FAAH2: variants seen among roughly 807,000 people sequenced by gnomAD.
FAAH2 encodes the protein fatty-acid amide hydrolase 2.
In FAAH2, 60 loss-of-function variants were observed where a neutral mutation model predicts 36.9. The observed-to-expected ratio is 1.63, with a 90% CI of 1.32 to 2.02. FAAH2 has a LOEUF of 2.02. FAAH2 is among the 30% of genes most tolerant of loss of function. The probability of loss-of-function intolerance (pLI) is 0.00; values close to 1 mark genes in which losing one functional copy is unlikely to be tolerated. For missense variants in FAAH2, 689 were observed against 397.5 expected, an observed-to-expected ratio of 1.73 and a Z score of -6.23; for synonymous variants, 214 against 143.8, an observed-to-expected ratio of 1.49 and a Z score of -3.49.
the FAAH2 span, among the ~76,000 whole-genome samples, chrX:57,226,493 T>C: frequency 8.9e-6 from 1 of 112,153 alleles, no homozygotes; most frequent in African/African-American, 3.2e-5. Context: ...CCCTTCTAGG[T>C]TGTAGGGTTT....
intron 4 of FAAH2, among the ~76,000 whole-genome samples, chrX:57,334,984 TC>T (rs1276482720): frequency 9.0e-6 from 1 of 111,473 alleles, no homozygotes; most frequent in Non-Finnish European, 1.9e-5. Context: ...TGAACTTAGC[TC>T]TGGATCAAGT....
At chrX:57,389,882 G>A (rs1194270976) in intron 7 of FAAH2, among the ~76,000 whole-genome samples, 1 of 109,947 alleles carries the variant, frequency 9.1e-6, no homozygotes, top group Non-Finnish European at 1.9e-5. Flanking sequence ...TAATAGCTAT[G>A]CTATTGGGTG....
At chrX:57,126,631 C>G in the FAAH2 span, among the ~76,000 whole-genome samples, 1 of 111,738 alleles carries the variant, frequency 8.9e-6, no homozygotes, top group Non-Finnish European at 1.9e-5. Flanking sequence ...GGAGACTGTC[C>G]TAGTGACACA....
intron 10 of FAAH2, among the ~76,000 whole-genome samples, chrX:57,471,274 G>C (rs990338846): frequency 1.8e-5 from 2 of 111,551 alleles, no homozygotes; most frequent in African/African-American, 6.5e-5. Flanking sequence ...AGGAATAAAG[G>C]GTATTCAATT....
At chrX:57,233,489 A>G in the FAAH2 span, among the ~76,000 whole-genome samples, 3 of 112,069 alleles carry the variant, frequency 2.7e-5, no homozygotes, top group African/African-American at 9.7e-5. Context: ...TAATAGAAAA[A>G]AAAAATAGTA....
intron 7 of FAAH2, among the ~76,000 whole-genome samples, chrX:57,397,644 G>C (rs1435427706): frequency 9.1e-6 from 1 of 110,255 alleles, no homozygotes; most frequent in Non-Finnish European, 1.9e-5. Flanking sequence ...TCCACTGTTT[G>C]ACTAGTGGGA....
At chrX:57,445,902 G>A (rs2056663994) in intron 8 of FAAH2, among the ~76,000 whole-genome samples, 1 of 112,225 alleles carries the variant, frequency 8.9e-6, no homozygotes, top group African/African-American at 3.2e-5. Context: ...TCCAAGGCCT[G>A]TAGTCCTTGA....
intron 10 of FAAH2, among the ~76,000 whole-genome samples, chrX:57,454,715 A>T (rs1043710181): frequency 4.5e-5 from 5 of 112,052 alleles, no homozygotes; most frequent in African/African-American, 1.6e-4. Flanking sequence ...CTGAGCTGGA[A>T]GACCAGCTTA....
chrX:57,274,091 C>T, the FAAH2 span, among the ~76,000 whole-genome samples: 1 of 111,567 alleles, frequency 9.0e-6, no homozygotes, highest in Non-Finnish European at 1.9e-5. Context: ...CACCACTGAT[C>T]CCACAGAAAT....
the FAAH2 span, among the ~76,000 whole-genome samples, chrX:57,222,169 ATC>A: frequency 9.0e-6 from 1 of 111,031 alleles, no homozygotes; most frequent in Non-Finnish European, 1.9e-5. Flanking sequence ...AAGCAAAAAA[ATC>A]TCTCTTTTCT....
chrX:57,295,534 G>A (rs906437016), intron 2 of FAAH2, among the ~76,000 whole-genome samples: 5 of 112,096 alleles, frequency 4.5e-5, no homozygotes, highest in East Asian at 2.8e-4. Context: ...CGTAAGCGAC[G>A]CAGAAGATGG....
chrX:57,295,473 G>C (rs752422295), intron 2 of FAAH2, among the ~76,000 whole-genome samples: 1 of 111,962 alleles, frequency 8.9e-6, no homozygotes, highest in Non-Finnish European at 1.9e-5. Flanking sequence ...CATATAGAGG[G>C]GGTGGAGCCA....
the FAAH2 span, among the ~76,000 whole-genome samples, chrX:57,177,700 G>A: frequency 9.8e-6 from 1 of 101,714 alleles, no homozygotes; most frequent in Non-Finnish European, 2.0e-5. Context: ...AACTCCTGTG[G>A]AGAAGCCCCA....
intron 10 of FAAH2, among the ~76,000 whole-genome samples, chrX:57,461,911 TAAAG>T (rs2056964434): frequency 9.1e-6 from 1 of 109,486 alleles, no homozygotes; most frequent in African/African-American, 3.3e-5. Flanking sequence ...GCCAGACTAA[TAAAG>T]AAGAAAAGAG....
chrX:57,464,419 A>T (rs1161657315), intron 10 of FAAH2, among the ~76,000 whole-genome samples: 3 of 110,315 alleles, frequency 2.7e-5, no homozygotes, highest in Non-Finnish European at 5.7e-5. Flanking sequence ...AACTTAAAGA[A>T]AAATAAAAAT....
intron 3 of FAAH2, among the ~76,000 whole-genome samples, chrX:57,318,949 G>T (rs2052929056): frequency 9.0e-6 from 1 of 111,424 alleles, no homozygotes; most frequent in African/African-American, 3.3e-5. Context: ...ATGCAGAAAA[G>T]GCCCTCCATA....
chrX:57,178,062 A>G, the FAAH2 span, among the ~76,000 whole-genome samples: 1 of 111,498 alleles, frequency 9.0e-6, no homozygotes, highest in Non-Finnish European at 1.9e-5. Context: ...GATGCCATAG[A>G]GTGTTTACAA....
chrX:57,281,004 G>C, the FAAH2 span, among the ~76,000 whole-genome samples: 1 of 112,110 alleles, frequency 8.9e-6, no homozygotes, highest in East Asian at 2.8e-4. Context: ...TGTTTTATTT[G>C]ACAATCTTGA....
chrX:57,216,598 G>GTATATATACGTATATATATATACGTA, the FAAH2 span, among the ~76,000 whole-genome samples: 5 of 4,687 alleles, frequency 1.1e-3, 1 homozygote, highest in Non-Finnish European at 2.4e-3. Context: ...GTATATATAT[G>GTATATATACGTATATATATATACGTA]TATATATATA....
Sources: gnomAD v4.1 joint callset for allele counts (sites outside exome capture counted in the v4.1 genomes callset) on GRCh38, gnomAD v4.1.1 for gene constraint, MANE v1.5 for transcripts, NCBI Gene and HGNC (gene_info 2026-07-23, HGNC 2026-07-21) for gene names.